The following SORCS2 variants were observed in gnomAD, a reference collection of about 807,000 sequenced individuals.
SORCS2 encodes the protein VPS10 domain-containing receptor SorCS2.
A neutral mutation model predicts 141.6 loss-of-function variants in SORCS2; 100 were observed. The ratio of observed to expected loss-of-function variants is 0.71; its 90% CI spans 0.60 to 0.83. The LOEUF (loss-of-function observed/expected upper bound fraction) is 0.83, where lower values mean the gene tolerates loss of function less well. Among genes scored for constraint, SORCS2 ranks in the 40% least tolerant of loss-of-function variants. The probability of loss-of-function intolerance (pLI) is 0.00; values close to 1 mark genes in which losing one functional copy is unlikely to be tolerated. For synonymous variants in SORCS2, 789 were observed against 676.9 expected (o/e 1.17, Z -2.57); for missense variants, 1,646 against 1,560.2 (o/e 1.05, Z -0.93).
intron 23 of SORCS2, among the ~76,000 whole-genome samples, chr4:7,732,341 G>A (rs1711762195): frequency 6.6e-6 from 1 of 152,186 alleles, no homozygotes; most frequent in Admixed American, 6.5e-5. Flanking sequence ...CCAGCCCTGG[G>A]TGATGACTGA....
chr4:7,724,930 TA>T (rs1727081707), intron 19 of SORCS2, among the ~76,000 whole-genome samples: 3 of 38,256 alleles, frequency 7.8e-5, no homozygotes, highest in African/African-American at 1.1e-4. Flanking sequence ...TGGATGGTGG[TA>T]GTAGTGGTGA....
chr4:7,620,041 C>T (rs76172245), intron 3 of SORCS2, among the ~76,000 whole-genome samples: 281 of 16,446 alleles, frequency 0.017, 1 homozygote, highest in African/African-American at 0.029. Context: ...CTCCTTCCTC[C>T]TCCTCCTCCT....
chr4:7,482,007 G>A (rs1299426700), intron 2 of SORCS2, among the ~76,000 whole-genome samples: 100 of 69,412 alleles, frequency 1.4e-3, no homozygotes, highest in South Asian at 2.3e-3. Context: ...ACCCCTGGCT[G>A]CTGTTCAGAC....
At chr4:7,612,644 C>G (rs1560426085) in intron 3 of SORCS2, among the ~76,000 whole-genome samples, 3 of 152,326 alleles carry the variant, frequency 2.0e-5, no homozygotes, top group East Asian at 1.9e-4. Flanking sequence ...TGCAGGAGCT[C>G]TTGCCACCTG....
rs1712696008 is a variant in SORCS2, at chr4:7,741,745, C to A, written c.*1481C>A. 6.4e-6 allele frequency: 1 copy of A among 155,752 alleles called. No homozygotes were observed. The allele number at this position is 155,752 out of a possible 1,614,324, so 9.6% of individuals were successfully genotyped here. On this transcript the variant is annotated 3_prime_UTR_variant, in exon 27 of 27. Transcript: ENST00000507866. ...AGAGCCCTGGCTGGTGACATGCTGG[C>A]TGGGGGTGAATCCGAATGACAGTGC...
chr4:7,458,958 G>C (rs1278353299), intron 2 of SORCS2, among the ~76,000 whole-genome samples: 1 of 152,202 alleles, frequency 6.6e-6, no homozygotes, highest in Non-Finnish European at 1.5e-5. Context: ...TGCGGGGACT[G>C]GGCTTGGGCC....
chr4:7,573,583 T>C (rs4689784), intron 3 of SORCS2, among the ~76,000 whole-genome samples: 77,523 of 152,122 alleles, frequency 0.51, 20,638 homozygotes, highest in East Asian at 0.79. Context: ...AATGGTGCAA[T>C]CTCGGCTCAC....
chr4:7,674,067 G>A (rs894693116), intron 8 of SORCS2, among the ~76,000 whole-genome samples: 3 of 152,138 alleles, frequency 2.0e-5, no homozygotes, highest in Non-Finnish European at 4.4e-5. Context: ...TGCTGCCTCC[G>A]GGCACTTCAC....
chr4:7,453,177 T>A (rs1286334254), intron 2 of SORCS2, among the ~76,000 whole-genome samples: 11 of 99,886 alleles, frequency 1.1e-4, no homozygotes, highest in East Asian at 3.4e-4. Context: ...GGGGTCAGGC[T>A]CTGTGTTGGG....
At position 7,457,534 on chromosome 4, in the gene SORCS2, G is replaced by A. The variant is rs141001367; in HGVS notation, c.548+61179G>A. ...GAGGGCCTGGTTCACACCAGGGAGC[G>A]TGCCCCAGTGAACATCACAAAGCTG... is the stretch of plus-strand genomic sequence containing the variant. On this transcript the variant is annotated intron_variant, in intron 2 of 26. Transcript: ENST00000507866. Among the ~76,000 whole-genome samples the A allele has an allele frequency of 3.6e-3, 551 of 151,352 alleles. 3 individuals carry two copies. Among genetic ancestry groups the A allele is most frequent in the Middle Eastern group, 0.014 (4 of 294 alleles).
chr4:7,337,920 C>T (rs1333995772), intron 1 of SORCS2, among the ~76,000 whole-genome samples: 1 of 152,144 alleles, frequency 6.6e-6, no homozygotes, highest in East Asian at 1.9e-4. Flanking sequence ...CCCAGCCCTG[C>T]CCTGCAAGCC....
At chr4:7,590,662 G>A (rs372969965) in intron 3 of SORCS2, among the ~76,000 whole-genome samples, 18 of 152,352 alleles carry the variant, frequency 1.2e-4, no homozygotes, top group South Asian at 4.1e-4. Flanking sequence ...GGTCACAACG[G>A]CTAATAGGGA....
intron 1 of SORCS2, among the ~76,000 whole-genome samples, chr4:7,371,187 T>G (rs1191613079): frequency 1.3e-5 from 2 of 152,206 alleles, no homozygotes; most frequent in African/African-American, 2.4e-5. Flanking sequence ...CTCAACCTGC[T>G]GCATTCCTGC....
intron 1 of SORCS2, among the ~76,000 whole-genome samples, chr4:7,376,922 TCCAGCCC>T (rs947622831): frequency 1.3e-5 from 2 of 152,012 alleles, no homozygotes; most frequent in African/African-American, 4.8e-5. Context: ...CCACGGATGT[TCCAGCCC>T]CAGTGCACAA....
intron 1 of SORCS2, among the ~76,000 whole-genome samples, chr4:7,301,739 G>A (rs1717446386): frequency 6.6e-6 from 1 of 152,214 alleles, no homozygotes; most frequent in Non-Finnish European, 1.5e-5. Context: ...GGTGAAGATG[G>A]GCAATTGCTC....
chr4:7,692,175 C>T (rs781201081), intron 11 of SORCS2, among the ~76,000 whole-genome samples: 10 of 152,210 alleles, frequency 6.6e-5, no homozygotes, highest in Non-Finnish European at 1.2e-4. Flanking sequence ...GGAAAAGGCG[C>T]GTGGGCTGGC....
intron 1 of SORCS2, among the ~76,000 whole-genome samples, chr4:7,242,811 C>T (rs566237961): frequency 4.5e-4 from 69 of 152,338 alleles, no homozygotes; most frequent in African/African-American, 1.6e-3. Context: ...GAGTTAGCTG[C>T]AAACATGTCT....
chr4:7,596,602 T>C (rs771848873), intron 3 of SORCS2, among the ~76,000 whole-genome samples: 2 of 152,216 alleles, frequency 1.3e-5, no homozygotes, highest in Non-Finnish European at 2.9e-5. Flanking sequence ...AGCTAGTTAA[T>C]TTCTTTTAAC....
intron 2 of SORCS2, among the ~76,000 whole-genome samples, chr4:7,507,796 G>T (rs946155627): frequency 6.6e-6 from 1 of 152,176 alleles, no homozygotes; most frequent in African/African-American, 2.4e-5. Flanking sequence ...GAGCTGGCTG[G>T]AACACGGGGT....
Sources: allele counts gnomAD v4.1 joint callset (sites outside exome capture counted in the v4.1 genomes callset), GRCh38; gene constraint gnomAD v4.1.1; transcripts MANE v1.5; gene names NCBI Gene and HGNC (gene_info 2026-07-23, HGNC 2026-07-21).